The following DPP4 variants were observed in gnomAD, a reference collection of about 807,000 sequenced individuals.
DPP4 encodes dipeptidyl peptidase 4.
In DPP4, 93 loss-of-function variants were observed where a neutral mutation model predicts 122.4. The ratio of observed to expected loss-of-function variants is 0.76; its 90% CI spans 0.64 to 0.90. DPP4 has a LOEUF of 0.90. Ranked by LOEUF, DPP4 falls within the 40% of genes least tolerant of loss-of-function variation. The pLI is 0.00. For missense variants in DPP4, 914 were observed against 907.3 expected (o/e 1.01, Z -0.09); for synonymous variants, 321 against 302.9 (o/e 1.06, Z -0.62).
chr2:162,068,212 C>T (rs940910245), intron 2 of DPP4, among the ~76,000 whole-genome samples: 1 of 152,122 alleles, frequency 6.6e-6, no homozygotes, highest in African/African-American at 2.4e-5. Flanking sequence ...GCAGTAGGCT[C>T]TTCCTCAGGA....
chr2:162,005,358 G>GTA (rs1701257948), intron 23 of DPP4, among the ~76,000 whole-genome samples: 1 of 152,020 alleles, frequency 6.6e-6, no homozygotes, highest in South Asian at 2.1e-4. Context: ...TTATAGTCTC[G>GTA]TATATATATC....
At chr2:162,056,264 G>C (rs1488633263) in intron 2 of DPP4, among the ~76,000 whole-genome samples, 1 of 152,170 alleles carries the variant, frequency 6.6e-6, no homozygotes, top group African/African-American at 2.4e-5. Flanking sequence ...TGAGGGCACT[G>C]ATTTTATTTT....
At chr2:162,001,059 G>A (rs959756843) in intron 23 of DPP4, among the ~76,000 whole-genome samples, 14 of 152,142 alleles carry the variant, frequency 9.2e-5, no homozygotes, top group Admixed American at 3.3e-4. Flanking sequence ...AGAGCATCAT[G>A]CTCGTCCTCC....
At chr2:162,013,826 T>C (rs1682802307) in intron 19 of DPP4, among the ~76,000 whole-genome samples, 1 of 152,168 alleles carries the variant, frequency 6.6e-6, no homozygotes. Context: ...ATAAAAAATA[T>C]TTTACAAAGC....
chr2:162,054,547 G>A (rs1453709110), intron 2 of DPP4, among the ~76,000 whole-genome samples: 1 of 152,172 alleles, frequency 6.6e-6, no homozygotes, highest in East Asian at 1.9e-4. Flanking sequence ...GATATTAAGA[G>A]GTGGAACCAT....
At chr2:162,009,985 C>G (rs1395977752) in intron 20 of DPP4, among the ~76,000 whole-genome samples, 1 of 151,638 alleles carries the variant, frequency 6.6e-6, no homozygotes, top group Non-Finnish European at 1.5e-5. Flanking sequence ...TTTTTTTTTA[C>G]TTAAAAATAC....
chr2:162,034,809 G>T (rs574528219), intron 9 of DPP4, among the ~76,000 whole-genome samples: 1 of 152,058 alleles, frequency 6.6e-6, no homozygotes, highest in East Asian at 1.9e-4. Context: ...TTGCAACTTC[G>T]TCGAGGGCAC....
At chr2:162,045,481 A>G (rs1684138636) in intron 5 of DPP4, 51 bp downstream of exon 5, 4 of 1,358,166 alleles carry the variant, frequency 2.9e-6, no homozygotes, top group Non-Finnish European at 4.2e-6. Context: ...GTTATAACAT[A>G]GCATACTCTT....
At chr2:162,028,159 C>T (rs535949567) in intron 10 of DPP4, among the ~76,000 whole-genome samples, 2 of 151,742 alleles carry the variant, frequency 1.3e-5, no homozygotes, top group East Asian at 3.9e-4. Flanking sequence ...GCCAGGAGTT[C>T]GAGACCAGCT....
Position 162,053,501 on chromosome 2 carries a change from C to T in DPP4, c.95-6000G>A, listed in dbSNP as rs187811018. On this transcript the variant is annotated intron_variant, in intron 2 of 25. Coordinates refer to ENST00000360534, the MANE Select transcript of DPP4 (RefSeq NM_001935.4). ...ATTTGTGTTGGGCTGCATTCAAAGCCGTCCAGCCACATGCCGTCCGTAGGC... is the reference window on the plus strand; with the variant it reads ...ATTTGTGTTGGGCTGCATTCAAAGCTGTCCAGCCACATGCCGTCCGTAGGC... Among the ~76,000 whole-genome samples the T allele has an allele frequency of 2.7e-4, 41 of 152,252 alleles. 1 individual carries two copies. The highest frequency in any genetic ancestry group is 1.1e-3 in the Admixed American group (17 of 15,296).
At chr2:162,031,977 TC>T (rs1559715539) in intron 10 of DPP4, 1 of 152,096 alleles carries the variant, frequency 6.6e-6, no homozygotes, top group East Asian at 1.9e-4. Context: ...TAATCGATTT[TC>T]CCCCTGAATG....
At chr2:162,068,140 T>C (rs991289256) in intron 2 of DPP4, among the ~76,000 whole-genome samples, 27 of 152,184 alleles carry the variant, frequency 1.8e-4, no homozygotes, top group Admixed American at 3.3e-4. Flanking sequence ...ATCGAAACCA[T>C]TCAAAAGCTT....
intron 2 of DPP4, among the ~76,000 whole-genome samples, chr2:162,069,683 C>T (rs2106161744): frequency 6.6e-6 from 1 of 152,316 alleles, no homozygotes; most frequent in East Asian, 1.9e-4. Context: ...TAGAAATTGT[C>T]CCCTGAAACA....
chr2:161,993,415 A>T, intron 25 of DPP4, 31 bp from the exon 26 acceptor site: 1 of 1,493,914 alleles, frequency 6.7e-7, no homozygotes, highest in Non-Finnish European at 9.3e-7. Flanking sequence ...AGTTAGAATT[A>T]GGAAGTCAGT....
At chr2:161,997,083 G>C (rs1265049985) in intron 23 of DPP4, among the ~76,000 whole-genome samples, 1 of 152,138 alleles carries the variant, frequency 6.6e-6, no homozygotes, top group Non-Finnish European at 1.5e-5. Context: ...TGTTTCAGTC[G>C]AATGAATGTC....
intron 23 of DPP4, among the ~76,000 whole-genome samples, chr2:162,002,437 A>G (rs1446859906): frequency 6.6e-6 from 1 of 152,220 alleles, no homozygotes; most frequent in East Asian, 1.9e-4. Context: ...ATCAGTGGCT[A>G]TTTAGCTGAA....
intron 2 of DPP4, among the ~76,000 whole-genome samples, chr2:162,059,420 G>A (rs1017860354): frequency 1.3e-5 from 2 of 152,196 alleles, no homozygotes; most frequent in Admixed American, 6.5e-5. Flanking sequence ...TTGAAAGGTG[G>A]AAAGTTCTTA....
chr2:162,017,351 A>C (rs1019394815), intron 16 of DPP4, 196 bp from the exon 17 acceptor site: 1 of 573,538 alleles, frequency 1.7e-6, no homozygotes, highest in Non-Finnish European at 3.1e-6. Context: ...TTTCAGTGTA[A>C]GAAGTATTAC....
intron 2 of DPP4, among the ~76,000 whole-genome samples, chr2:162,057,813 C>G (rs1684627132): frequency 2.0e-5 from 3 of 152,120 alleles, no homozygotes; most frequent in Admixed American, 2.0e-4. Flanking sequence ...TACTCTGTCA[C>G]CCAGGCTGGA....
Sources: gnomAD v4.1 joint callset for allele counts (sites outside exome capture counted in the v4.1 genomes callset) on GRCh38, gnomAD v4.1.1 for gene constraint, MANE v1.5 for transcripts, NCBI Gene and HGNC (gene_info 2026-07-23, HGNC 2026-07-21) for gene names.